The following NAV3 variants were observed in gnomAD, a reference collection of about 807,000 sequenced individuals.
The protein encoded by NAV3 is neuron navigator 3, also known as pore membrane and/or filament interacting like protein 1.
NAV3 carries 87 observed loss-of-function variants against 244.7 expected under a neutral mutation model. That is an observed-to-expected ratio of 0.36 (90% CI 0.30 to 0.42). The LOEUF is 0.42. Ranked by LOEUF, NAV3 falls within the 20% of genes least tolerant of loss-of-function variation. The pLI, the probability that NAV3 is intolerant of heterozygous loss-of-function variation, is 1.00. For missense variants in NAV3, 2,663 were observed against 2,893.3 expected (o/e 0.92, Z 1.83); for synonymous variants, 1,126 against 1,042.2 (o/e 1.08, Z -1.55).
At chr12:77,596,925 T>A (rs1382651172) in intron 2 of NAV3, among the ~76,000 whole-genome samples, 3 of 152,010 alleles carry the variant, frequency 2.0e-5, no homozygotes, top group Non-Finnish European at 4.4e-5. Flanking sequence ...ACAATAAAAG[T>A]TGTTGGTAAT....
intron 18 of NAV3, among the ~76,000 whole-genome samples, chr12:78,136,645 T>C (rs972091302): frequency 6.6e-6 from 1 of 152,200 alleles, no homozygotes; most frequent in Non-Finnish European, 1.5e-5. Context: ...TATTATACAC[T>C]ATTTCCTTAT....
upstream of NAV3, among the ~76,000 whole-genome samples, chr12:77,827,977 G>T (rs929485882): frequency 2.0e-5 from 3 of 152,130 alleles, no homozygotes; most frequent in African/African-American, 7.2e-5. Context: ...GTTTTTAGAA[G>T]AATCAATTCG....
At chr12:78,134,704 A>G (rs1956299319) in intron 18 of NAV3, among the ~76,000 whole-genome samples, 1 of 152,118 alleles carries the variant, frequency 6.6e-6, no homozygotes, top group African/African-American at 2.4e-5. Flanking sequence ...GTGAGCTATG[A>G]TCGTGGCACT....
intron 9 of NAV3, chr12:78,036,672 T>G: frequency 2.0e-6 from 1 of 512,184 alleles, no homozygotes; most frequent in South Asian, 3.3e-5. Flanking sequence ...TGCTGATTAG[T>G]AAAGTGATGT....
At chr12:77,729,902 C>G (rs1424403731) in intron 2 of NAV3, among the ~76,000 whole-genome samples, 3 of 151,948 alleles carry the variant, frequency 2.0e-5, no homozygotes, top group Admixed American at 2.0e-4. Context: ...CTTCTTTACC[C>G]AGGATGCTAT....
intron 1 of NAV3, among the ~76,000 whole-genome samples, chr12:77,895,552 A>G (rs907089686): frequency 1.3e-5 from 2 of 152,080 alleles, no homozygotes; most frequent in African/African-American, 4.8e-5. Flanking sequence ...CTTTGATTTT[A>G]TGTTAATATT....
At chr12:77,800,459 T>C (rs1445261415) in intron 2 of NAV3, among the ~76,000 whole-genome samples, 1 of 152,184 alleles carries the variant, frequency 6.6e-6, no homozygotes, top group Non-Finnish European at 1.5e-5. Context: ...GGTGCTCACA[T>C]TCTTCCTGGG....
intron 7 of NAV3, among the ~76,000 whole-genome samples, chr12:77,999,169 G>A (rs1281052331): frequency 2.0e-5 from 3 of 152,176 alleles, no homozygotes; most frequent in Admixed American, 6.5e-5. Context: ...CAGAGAGGAC[G>A]GGGATGAGTA....
At chr12:77,750,440 G>C (rs1292201780) in intron 2 of NAV3, among the ~76,000 whole-genome samples, 1 of 152,036 alleles carries the variant, frequency 6.6e-6, no homozygotes. Flanking sequence ...GCTGAGGTAG[G>C]AGGATTGTTT....
rs1260378725 is a variant in NAV3, at chr12:77,941,138, G to A, written c.414+5G>A. On this transcript the variant is annotated splice_donor_5th_base_variant and intron_variant, in intron 3 of 39. Coordinates refer to ENST00000397909, the MANE Select transcript of NAV3 (RefSeq NM_001024383.2). ...CCTAGAAGTCAGTCTCAGATGGTAA[G>A]AATCATATTTATTCTCAATATATAA... is the stretch of plus-strand genomic sequence containing the variant. The A allele has an allele frequency of 3.3e-6, 5 of 1,520,174 alleles. No individual in the cohort carries two copies. The Admixed American group carries it at 9.4e-5, about 28-fold the overall frequency. The allele number at this position is 1,520,174 out of a possible 1,614,324, so 94.2% of individuals were successfully genotyped here.
intron 2 of NAV3, among the ~76,000 whole-genome samples, chr12:77,596,501 A>G (rs1870175042): frequency 1.3e-5 from 2 of 152,166 alleles, no homozygotes; most frequent in Admixed American, 1.3e-4. Flanking sequence ...ATAAAATTTT[A>G]TTCTCAGATT....
chr12:77,592,680 T>C (rs17792562), intron 2 of NAV3, among the ~76,000 whole-genome samples: 33,546 of 152,136 alleles, frequency 0.22, 3,821 homozygotes, highest in Admixed American at 0.26. Context: ...CTGCATGTGT[T>C]GTACTTTTTC....
Position 78,180,966 on chromosome 12 carries a change from C to A in NAV3, c.5613C>A (p.Ser1871Arg). 1 of 1,613,280 alleles carries A rather than the reference C, an allele frequency of 6.2e-7. No homozygotes were observed. The highest frequency in any genetic ancestry group is 8.5e-7 in the Non-Finnish European group (1 of 1,179,488). Residue 1871 changes from serine (S) to arginine (R), a missense_variant, in exon 30 of 40, where the codon AGC becomes AGA. Physicochemically the swap from Ser to Arg is moderately radical, Grantham distance 110 (BLOSUM62 -1). Coordinates refer to ENST00000397909, the MANE Select transcript of NAV3 (RefSeq NM_001024383.2). ...CTCGGCCACCGTCAGAATCCTCAAG[C>A]AGCACCTCCTCTTCATCTTCCAGGC... Reference protein sequence around the residue: ...KPTRPPSESSSSTSSSSSRQS... With the variant: ...KPTRPPSESSRSTSSSSSRQS...
intron 12 of NAV3, among the ~76,000 whole-genome samples, chr12:78,100,542 T>C (rs962990571): frequency 2.0e-5 from 3 of 152,024 alleles, no homozygotes; most frequent in Non-Finnish European, 4.4e-5. Flanking sequence ...AACTGAAGAG[T>C]GTCACAATAC....
intron 5 of NAV3, among the ~76,000 whole-genome samples, chr12:77,994,224 C>G (rs571893729): frequency 6.3e-4 from 96 of 152,300 alleles, no homozygotes; most frequent in South Asian, 6.2e-4. Flanking sequence ...AGATCTTCCC[C>G]AAGACAAAAC....
chr12:77,706,405 C>T (rs796766419), intron 2 of NAV3, among the ~76,000 whole-genome samples: 14 of 151,472 alleles, frequency 9.2e-5, no homozygotes, highest in African/African-American at 2.7e-4. Flanking sequence ...AATTAGGGAT[C>T]CATTCAATAC....
At chr12:77,701,620 G>A (rs371502398) in intron 2 of NAV3, among the ~76,000 whole-genome samples, 9 of 151,948 alleles carry the variant, frequency 5.9e-5, no homozygotes, top group Admixed American at 5.9e-4. Flanking sequence ...GCATTTGAAT[G>A]TATAAATTTT....
At chr12:77,825,043 A>G (rs1872917230) in intron 2 of NAV3, among the ~76,000 whole-genome samples, 1 of 152,238 alleles carries the variant, frequency 6.6e-6, no homozygotes, top group Non-Finnish European at 1.5e-5. Flanking sequence ...CTTAGAAACT[A>G]TGCAAGGGAA....
chr12:77,636,928 G>A (rs150783121), intron 2 of NAV3, among the ~76,000 whole-genome samples: 1 of 152,110 alleles, frequency 6.6e-6, no homozygotes, highest in African/African-American at 2.4e-5. Context: ...CTCATAAGTG[G>A]GAGTCAAACC....
Sources: gnomAD v4.1 joint callset for allele counts (sites outside exome capture counted in the v4.1 genomes callset) on GRCh38, gnomAD v4.1.1 for gene constraint, MANE v1.5 for transcripts, NCBI Gene and HGNC (gene_info 2026-07-23, HGNC 2026-07-21) for gene names.